Variants in PTPRD observed in about 807,000 individuals in gnomAD.
The protein encoded by PTPRD is protein tyrosine phosphatase receptor type D.
Under a neutral mutation model 214.5 loss-of-function variants are expected in PTPRD, and 34 were observed. The observed-to-expected ratio is 0.16, with a 90% CI of 0.12 to 0.21. PTPRD has a LOEUF of 0.21. Ranked by LOEUF, PTPRD falls within the 10% of genes least tolerant of loss-of-function variation. PTPRD has a pLI of 1.00. For missense variants in PTPRD, 2,545 were observed against 2,398.7 expected (o/e 1.06, Z -1.27); for synonymous variants, 1,128 against 845.7 (o/e 1.33, Z -5.79).
intron 14 of PTPRD, among the ~76,000 whole-genome samples, chr9:8,580,253 G>GA (rs1212527409): frequency 2.0e-5 from 3 of 152,168 alleles, no homozygotes; most frequent in Admixed American, 2.0e-4. Flanking sequence ...ATAAGCATTA[G>GA]AGGGAGATAA....
At chr9:10,101,346 G>C (rs777266337) in intron 3 of PTPRD, among the ~76,000 whole-genome samples, 32 of 151,682 alleles carry the variant, frequency 2.1e-4, no homozygotes, top group Non-Finnish European at 4.4e-4. Flanking sequence ...CACCCAATTT[G>C]CAGAAGCATA....
intron 11 of PTPRD, among the ~76,000 whole-genome samples, chr9:8,960,127 T>C (rs1034324673): frequency 6.6e-6 from 1 of 152,096 alleles, no homozygotes; most frequent in African/African-American, 2.4e-5. Context: ...CTGGGACAAG[T>C]CACATAACTT....
At chr9:10,491,150 T>C (rs1286650107) in intron 2 of PTPRD, among the ~76,000 whole-genome samples, 2 of 152,266 alleles carry the variant, frequency 1.3e-5, no homozygotes, top group African/African-American at 2.4e-5. Context: ...CAATAAATAA[T>C]TGATAAATGA....
chr9:10,311,948 T>C (rs1457534558), intron 3 of PTPRD, among the ~76,000 whole-genome samples: 1 of 151,902 alleles, frequency 6.6e-6, no homozygotes, highest in Non-Finnish European at 1.5e-5. Flanking sequence ...CTCTCTCTCT[T>C]CCCTGGCCTC....
In PTPRD at chr9:8,315,550, C is replaced by T; in HGVS notation, c.*2324G>A. The T allele has an allele frequency of 4.3e-6, 1 of 231,350 alleles. No individual in the cohort carries two copies. Among genetic ancestry groups the T allele is most frequent in the East Asian group, 6.1e-5 (1 of 16,380 alleles). The allele number at this position is 231,350 out of a possible 1,614,324, so 14.3% of individuals were successfully genotyped here. Reference sequence around the variant, plus strand: ...AAAGAAAATAATGATAACAGACCCACATAGTGCACATTCTTCTCTGGTTCT... The same window carrying T: ...AAAGAAAATAATGATAACAGACCCATATAGTGCACATTCTTCTCTGGTTCT... On this transcript the variant is annotated 3_prime_UTR_variant, in exon 46 of 46. Coordinates refer to ENST00000381196, the MANE Select transcript of PTPRD (RefSeq NM_002839.4).
intron 2 of PTPRD, among the ~76,000 whole-genome samples, chr9:10,499,775 T>C (rs1310863513): frequency 6.6e-6 from 1 of 151,288 alleles, no homozygotes; most frequent in Non-Finnish European, 1.5e-5. Flanking sequence ...TTCTTATCAT[T>C]ATTTTTCCAC....
Position 9,517,543 on chromosome 9 carries a change from C to T in PTPRD, c.-237+57189G>A, listed in dbSNP as rs1417369225. Among the ~76,000 whole-genome samples, 10 of 152,132 alleles carry T rather than the reference C, an allele frequency of 6.6e-5. No homozygotes were observed. In the South Asian group the frequency reaches 1.7e-3, roughly 25 times the overall value. The stretch of plus-strand genomic sequence containing the variant: ...ACTAATAAATAAACAGTTAATGTTT[C>T]TTCCTACACCAACAGCAGTGAAAAA... On this transcript the variant is annotated intron_variant, in intron 8 of 45. Transcript: ENST00000381196.
At chr9:9,941,118 T>G (rs1310705050) in intron 4 of PTPRD, among the ~76,000 whole-genome samples, 3 of 152,126 alleles carry the variant, frequency 2.0e-5, no homozygotes, top group Non-Finnish European at 4.4e-5. Flanking sequence ...TTAAGAAAAT[T>G]TGTGAATTTG....
intron 2 of PTPRD, among the ~76,000 whole-genome samples, chr9:10,588,233 G>C (rs1392709995): frequency 6.6e-6 from 1 of 152,014 alleles, no homozygotes; most frequent in Non-Finnish European, 1.5e-5. Context: ...CAGTTTTATA[G>C]TTGCAGTTTT....
At chr9:9,749,772 G>C (rs1236231369) in intron 6 of PTPRD, among the ~76,000 whole-genome samples, 1 of 152,160 alleles carries the variant, frequency 6.6e-6, no homozygotes, top group Non-Finnish European at 1.5e-5. Context: ...AAAGTTAGGA[G>C]TATAGTTATT....
intron 11 of PTPRD, among the ~76,000 whole-genome samples, chr9:8,840,378 C>T (rs1341172193): frequency 2.6e-5 from 4 of 152,210 alleles, no homozygotes; most frequent in Non-Finnish European, 4.4e-5. Flanking sequence ...TTGCCTGCTG[C>T]GATCCATGTA....
intron 4 of PTPRD, among the ~76,000 whole-genome samples, chr9:9,976,087 A>G (rs2095340933): frequency 6.6e-6 from 1 of 152,184 alleles, no homozygotes. Flanking sequence ...GATGAAACAT[A>G]GGAACCATTC....
At chr9:8,760,562 T>G (rs1282752043) in intron 11 of PTPRD, among the ~76,000 whole-genome samples, 1 of 151,966 alleles carries the variant, frequency 6.6e-6, no homozygotes, top group Non-Finnish European at 1.5e-5. Flanking sequence ...GAGAACTCAG[T>G]GTGCATTTTC....
At chr9:10,425,839 C>A (rs2098608711) in intron 2 of PTPRD, among the ~76,000 whole-genome samples, 1 of 151,870 alleles carries the variant, frequency 6.6e-6, no homozygotes, top group Non-Finnish European at 1.5e-5. Flanking sequence ...TATTAAAACA[C>A]ATGCTGTACA....
intron 3 of PTPRD, among the ~76,000 whole-genome samples, chr9:10,189,540 G>C (rs1176605246): frequency 6.6e-6 from 1 of 152,166 alleles, no homozygotes; most frequent in Non-Finnish European, 1.5e-5. Context: ...CCTTGGAAGA[G>C]AGCTATTATA....
At chr9:8,919,263 C>G (rs2098808188) in intron 11 of PTPRD, among the ~76,000 whole-genome samples, 1 of 151,834 alleles carries the variant, frequency 6.6e-6, no homozygotes, top group Non-Finnish European at 1.5e-5. Flanking sequence ...CGTGGTGGTG[C>G]ACACCTGTAG....
intron 6 of PTPRD, among the ~76,000 whole-genome samples, chr9:9,736,043 TG>T (rs1308928450): frequency 6.6e-6 from 1 of 152,150 alleles, no homozygotes; most frequent in African/African-American, 2.4e-5. Context: ...CAAAGATACA[TG>T]TGCAGAGATT....
Position 10,096,424 on chromosome 9 carries a change from C to T in PTPRD, c.-544-62634G>A, listed in dbSNP as rs111917444. Among the ~76,000 whole-genome samples the T allele has an allele frequency of 5.9e-3, 891 of 151,832 alleles. 6 individuals carry two copies. The highest frequency in any genetic ancestry group is 0.017 in the Middle Eastern group (5 of 294). On this transcript the variant is annotated intron_variant, in intron 3 of 45. Coordinates refer to ENST00000381196, the MANE Select transcript of PTPRD (RefSeq NM_002839.4). ...TGTTGTTTCCTGACTTTTTAATGAT[C>T]GCCATTCTAACTGGCGTGAGATGGT...
At chr9:9,977,242 G>A (rs1182947571) in intron 4 of PTPRD, among the ~76,000 whole-genome samples, 1 of 152,134 alleles carries the variant, frequency 6.6e-6, no homozygotes, top group Non-Finnish European at 1.5e-5. Context: ...GAGGTCTAAA[G>A]TAGAACTTAC....
Sources: allele counts gnomAD v4.1 joint callset (sites outside exome capture counted in the v4.1 genomes callset), GRCh38; gene constraint gnomAD v4.1.1; transcripts MANE v1.5; gene names NCBI Gene and HGNC (gene_info 2026-07-23, HGNC 2026-07-21).